The following SYCP2L variants were observed in gnomAD, a reference collection of about 807,000 sequenced individuals.
The protein encoded by SYCP2L is synaptonemal complex protein 2 like.
Under a neutral mutation model 125.8 loss-of-function variants are expected in SYCP2L, and 98 were observed. That is an observed-to-expected ratio of 0.78 (90% CI 0.66 to 0.92). SYCP2L has a LOEUF of 0.92. SYCP2L is among the 40% of genes least tolerant of loss of function. SYCP2L has a pLI of 0.00. For missense variants in SYCP2L, 842 were observed against 936.4 expected, an observed-to-expected ratio of 0.90 and a Z score of 1.32; for synonymous variants, 317 against 325.4, an observed-to-expected ratio of 0.97 and a Z score of 0.28.
intron 21 of SYCP2L, among the ~76,000 whole-genome samples, chr6:10,942,237 T>C (rs1257820518): frequency 6.6e-6 from 1 of 152,116 alleles, no homozygotes; most frequent in South Asian, 2.1e-4. Flanking sequence ...ACATGGCACA[T>C]GTATACATAC....
At chr6:10,949,781 C>G (rs1463655818) in intron 23 of SYCP2L, among the ~76,000 whole-genome samples, 2 of 117,402 alleles carry the variant, frequency 1.7e-5, no homozygotes, top group East Asian at 4.9e-4. Flanking sequence ...TTGTGAATTG[C>G]TGACTATCAC....
chr6:10,939,941 A>G (rs1781183880), intron 21 of SYCP2L, among the ~76,000 whole-genome samples: 1 of 152,222 alleles, frequency 6.6e-6, no homozygotes, highest in African/African-American at 2.4e-5. Flanking sequence ...TGCAAATCAT[A>G]TATCTGATAA....
At chr6:10,958,914 A>G in intron 26 of SYCP2L, 39 bp downstream of exon 26, 1 of 1,567,812 alleles carries the variant, frequency 6.4e-7, no homozygotes, top group Non-Finnish European at 8.8e-7. Context: ...TGGAAGTGTG[A>G]TCACTCACCA....
intron 1 of SYCP2L, among the ~76,000 whole-genome samples, chr6:10,889,015 C>T (rs55984935): frequency 4.7e-4 from 72 of 152,282 alleles, no homozygotes; most frequent in Non-Finnish European, 8.5e-4. Context: ...TCACGTGCCA[C>T]TGCGCCCAGC....
chr6:10,898,784 T>A (rs1199692097), intron 5 of SYCP2L, 40 bp from the exon 6 acceptor site: 1 of 1,273,450 alleles, frequency 7.9e-7, no homozygotes, highest in Admixed American at 1.7e-5. Flanking sequence ...CATGCTGTTT[T>A]AAAATAATAT....
chr6:10,901,057 TCTTA>T (rs757843885), intron 6 of SYCP2L, among the ~76,000 whole-genome samples: 1 of 152,228 alleles, frequency 6.6e-6, no homozygotes, highest in African/African-American at 2.4e-5. Context: ...ACTTACGTCT[TCTTA>T]CTTATTTTTA....
intron 29 of SYCP2L, among the ~76,000 whole-genome samples, chr6:10,968,688 G>C (rs947173317): frequency 7.9e-5 from 12 of 152,178 alleles, no homozygotes; most frequent in African/African-American, 2.9e-4. Flanking sequence ...TCAGGGAGTG[G>C]GGAAGGCAGG....
At chr6:10,892,374 A>C (rs1173646844) in intron 2 of SYCP2L, among the ~76,000 whole-genome samples, 1 of 152,232 alleles carries the variant, frequency 6.6e-6, no homozygotes, top group African/African-American at 2.4e-5. Context: ...ATCATGGCTT[A>C]CTGCAGCCTT....
Position 10,924,532 on chromosome 6 carries a change from A to G in SYCP2L, c.1109A>G (p.Lys370Arg). The G allele has an allele frequency of 2.5e-6, 4 of 1,596,604 alleles. No individual in the cohort carries two copies. Among genetic ancestry groups the G allele is most frequent in the South Asian group, 2.3e-5 (2 of 86,588 alleles). ...EKIKIFIIYL[K>R]KPMIISYKEV... The stretch of plus-strand genomic sequence containing the variant: ...ATAAAGATATTTATCATTTACCTGA[A>G]GAAGCCCATGATTATCAGCTACAAA... Residue 370 changes from lysine to arginine, a missense_variant, in exon 15 of 30, where the codon AAG becomes AGG. Transcript: ENST00000283141.
At position 10,960,706 on chromosome 6, in the gene SYCP2L, G is replaced by A. The variant is rs554412937; in HGVS notation, c.2256-599G>A. 2.1e-4 allele frequency among the ~76,000 whole-genome samples: 32 copies of A among 152,162 alleles called. No individual in the cohort carries two copies. In the South Asian group the frequency reaches 2.5e-3, roughly 12 times the overall value. On this transcript the variant is annotated intron_variant, in intron 26 of 29. Coordinates refer to ENST00000283141, the MANE Select transcript of SYCP2L (RefSeq NM_001040274.3). ...AGGTAGGAAGGGATGGGGAGCCTCA[G>A]TCTCATCTTCCCTGGAGTCATCTGT...
intron 23 of SYCP2L, among the ~76,000 whole-genome samples, chr6:10,946,217 T>C (rs918153855): frequency 7.2e-5 from 11 of 152,176 alleles, no homozygotes; most frequent in Admixed American, 5.2e-4. Context: ...TTATTGTATT[T>C]TTTACCTCTA....
intron 23 of SYCP2L, among the ~76,000 whole-genome samples, chr6:10,944,818 G>A (rs1204492471): frequency 2.6e-5 from 4 of 152,040 alleles, no homozygotes; most frequent in Admixed American, 6.5e-5. Context: ...AGGTTCAAGC[G>A]ATTCTCCTGC....
intron 21 of SYCP2L, among the ~76,000 whole-genome samples, chr6:10,937,204 A>C (rs1781114326): frequency 6.6e-6 from 1 of 152,210 alleles, no homozygotes; most frequent in South Asian, 2.1e-4. Context: ...GCTACAAAAT[A>C]CATCTTAACA....
rs148395033 is a variant in SYCP2L at position 10,905,027 on chromosome 6, C to G, written c.642-993C>G. Among the ~76,000 whole-genome samples the G allele has an allele frequency of 2.1e-3, 315 of 148,946 alleles. 4 individuals carry two copies. Among genetic ancestry groups the G allele is most frequent in the East Asian group, 0.013 (64 of 4,812 alleles). ...GTGTGGCGGGCACCTGTAATCCCAG[C>G]TACTTGGGAGGCTGAGGCAGGAGAA... is the stretch of plus-strand genomic sequence containing the variant. On this transcript the variant is annotated intron_variant, in intron 8 of 29. Coordinates refer to ENST00000283141, the MANE Select transcript of SYCP2L (RefSeq NM_001040274.3).
intron 29 of SYCP2L, among the ~76,000 whole-genome samples, chr6:10,969,189 G>T (rs541889124): frequency 1.3e-5 from 2 of 152,240 alleles, no homozygotes; most frequent in African/African-American, 4.8e-5. Context: ...TTATAAGGAT[G>T]TAATTCTATT....
intron 18 of SYCP2L, among the ~76,000 whole-genome samples, chr6:10,928,998 T>A (rs953253964): frequency 2.6e-5 from 4 of 152,020 alleles, no homozygotes; most frequent in African/African-American, 9.7e-5. Flanking sequence ...TTCAAGCAAT[T>A]CTCCTGCTTC....
At chr6:10,950,557 T>G (rs1433091888) in intron 23 of SYCP2L, among the ~76,000 whole-genome samples, 2 of 152,316 alleles carry the variant, frequency 1.3e-5, no homozygotes, top group East Asian at 3.9e-4. Flanking sequence ...TTATGTTTCT[T>G]TTAGAAAATA....
chr6:10,928,449 C>A lies in SYCP2L; in HGVS notation c.1487C>A (p.Pro496His). The A allele has an allele frequency of 6.3e-7, 1 of 1,590,388 alleles. No homozygotes were observed. ...GGGGTCCCTGACTTCCCGCAACAAC[C>A]TGTGAGTACAGGGAGTGGGGCTCAA... ...PFGVPDFPQQ[P>H]KSHYRKHLFS... The change falls in exon 18 of 30, where the codon CCT becomes CAT. Residue 496 changes from proline (P) to histidine (H), a missense_variant and splice_region_variant. Physicochemically the swap from Pro to His is moderately conservative, Grantham distance 77. Coordinates refer to ENST00000283141, the MANE Select transcript of SYCP2L (RefSeq NM_001040274.3).
At chr6:10,958,671 C>T in intron 25 of SYCP2L, 113 bp from the exon 26 acceptor site, 1 of 973,422 alleles carries the variant, frequency 1.0e-6, no homozygotes, top group South Asian at 1.6e-5. Flanking sequence ...TTAGCACTCA[C>T]ATTTGCTATG....
Sources: gnomAD v4.1 joint callset for allele counts (sites outside exome capture counted in the v4.1 genomes callset) on GRCh38, gnomAD v4.1.1 for gene constraint, MANE v1.5 for transcripts, NCBI Gene and HGNC (gene_info 2026-07-23, HGNC 2026-07-21) for gene names.